SOD2: variants seen among roughly 807,000 people sequenced by gnomAD.
SOD2 encodes superoxide dismutase [Mn], mitochondrial.
In SOD2, 11 loss-of-function variants were observed where a neutral mutation model predicts 27.0. The ratio of observed to expected loss-of-function variants is 0.41; its 90% CI spans 0.26 to 0.67. The LOEUF (loss-of-function observed/expected upper bound fraction) is 0.67. Among genes scored for constraint, SOD2 ranks in the 30% least tolerant of loss-of-function variants. The pLI, the probability that SOD2 is intolerant of heterozygous loss-of-function variation, is 0.34. For missense variants in SOD2, 250 were observed against 274.5 expected (o/e 0.91, Z 0.63); for synonymous variants, 105 against 103.0 (o/e 1.02, Z -0.12).
chr6:159,738,412 C>T (rs1262584320), intron 1 of SOD2, among the ~76,000 whole-genome samples: 2 of 152,082 alleles, frequency 1.3e-5, no homozygotes, highest in Admixed American at 6.5e-5. Flanking sequence ...TTTCATGTAT[C>T]AGTAGTCCTG....
chr6:159,727,019 C>G, intron 1 of SOD2: 2 of 1,240,242 alleles, frequency 1.6e-6, no homozygotes, highest in African/African-American at 1.6e-5. Context: ...CGAGGCAGCC[C>G]CGCAGCCGCA....
rs1253852178 is a variant in SOD2, at chr6:159,762,074, G to T, written c.-1373C>A. The T allele has an allele frequency of 1.4e-5, 23 of 1,612,554 alleles. 1 individual carries two copies. The African/African-American group carries it at 1.7e-4, about 12-fold the overall frequency. On this transcript the variant is annotated 5_prime_UTR_variant, in exon 1 of 8. Coordinates refer to the SOD2 transcript ENST00000546087. ...TGCAGGCAGCGCAGGGCAGACGGCG[G>T]CAGGAGAAGCAAGATGAATGCAGGC...
At chr6:159,698,730 G>A (rs1347195045) in intron 1 of SOD2, among the ~76,000 whole-genome samples, 1 of 151,324 alleles carries the variant, frequency 6.6e-6, no homozygotes, top group Non-Finnish European at 1.5e-5. Context: ...TCACAGAGAA[G>A]ACAATAACAA....
intron 1 of SOD2, among the ~76,000 whole-genome samples, chr6:159,750,926 C>T (rs1779797384): frequency 6.6e-6 from 1 of 152,222 alleles, no homozygotes; most frequent in African/African-American, 2.4e-5. Context: ...CTTCGCTTTA[C>T]TGTTTTTCTG....
upstream of SOD2, among the ~76,000 whole-genome samples, chr6:159,745,413 A>T (rs557990796): frequency 6.6e-6 from 1 of 151,608 alleles, no homozygotes; most frequent in South Asian, 2.1e-4. Context: ...TATTTCAACT[A>T]TAATGGAACC....
At chr6:159,722,945 A>G (rs575722745) in intron 1 of SOD2, among the ~76,000 whole-genome samples, 13 of 152,324 alleles carry the variant, frequency 8.5e-5, no homozygotes, top group African/African-American at 2.9e-4. Context: ...CCTCACTTCT[A>G]GCTTATGCCC....
chr6:159,708,414 G>A lies in SOD2; in HGVS notation c.-115-15551C>T, dbSNP rs142506368. Among the ~76,000 whole-genome samples, 1,136 of 152,184 alleles carry A rather than the reference G, an allele frequency of 7.5e-3. 9 individuals carry two copies. Among genetic ancestry groups the A allele is most frequent in the African/African-American group, 0.021 (872 of 41,546 alleles). The stretch of plus-strand genomic sequence containing the variant: ...TCTCCTTAAGCTGATAAGCAACTTC[G>A]GCAAAGTCTCAGGATACAAAATCAA... On this transcript the variant is annotated intron_variant, in intron 1 of 2. Coordinates refer to the SOD2 transcript ENST00000401980.
At chr6:159,692,541 C>T (rs1777261765) in intron 2 of SOD2, 120 bp downstream of exon 2, 2 of 1,507,852 alleles carry the variant, frequency 1.3e-6, no homozygotes, top group Non-Finnish European at 1.8e-6. Context: ...CTGGAAAACT[C>T]GGAACCGGTA....
chr6:159,741,939 G>A (rs569422791), intron 1 of SOD2: 8 of 600,692 alleles, frequency 1.3e-5, no homozygotes, highest in South Asian at 9.8e-5. Context: ...GGGACAGAGC[G>A]AGACTCTGTC....
At chr6:159,727,678 C>T, upstream of SOD2, 1 of 985,010 alleles carries the variant, frequency 1.0e-6, no homozygotes, top group Non-Finnish European at 1.2e-6. Flanking sequence ...CGACCGGTGG[C>T]GCCGGCGCGG....
chr6:159,685,482 TC>T (rs1381428778), intron 3 of SOD2, among the ~76,000 whole-genome samples: 12 of 152,158 alleles, frequency 7.9e-5, no homozygotes. Flanking sequence ...CCTCAGGTGA[TC>T]CACCCGCCTT....
rs747345391 is a variant in SOD2, at chr6:159,670,401, T to C, written c.*12092A>G. ...GAGCTAAAAGATTCATTTGTTTTTT[T>C]CCTCCAGGCATCCACTCTGAGCCCC... On this transcript the variant is annotated 3_prime_UTR_variant, in exon 5 of 5. Coordinates refer to ENST00000538183, the MANE Select transcript of SOD2 (RefSeq NM_000636.4). 3 of 152,196 alleles carry C rather than the reference T, an allele frequency of 2.0e-5. No individual in the cohort carries two copies. The highest frequency in any genetic ancestry group is 4.4e-5 in the Non-Finnish European group (3 of 68,040). The allele number at this position is 152,196 out of a possible 1,614,324, so 9.4% of individuals were successfully genotyped here.
intron 2 of SOD2, chr6:159,691,125 T>C (rs1301666369): frequency 6.6e-6 from 1 of 152,236 alleles, no homozygotes; most frequent in Non-Finnish European, 1.5e-5. Flanking sequence ...TGGGTTGTAT[T>C]ACATAAGTAA....
rs1019210865 is a variant in SOD2 at position 159,673,600 on chromosome 6, G to C, written c.*8893C>G. On this transcript the variant is annotated 3_prime_UTR_variant, in exon 5 of 5. Transcript: ENST00000538183. ...ATCTCTGGGACACATTTAAAGCAGT[G>C]TGTAGAGGGAAATTTACAGCACTAA... is the stretch of plus-strand genomic sequence containing the variant. 1 of 152,154 alleles carries C rather than the reference G, an allele frequency of 6.6e-6. No individual in the cohort carries two copies. The highest frequency in any genetic ancestry group is 2.4e-5 in the African/African-American group (1 of 41,440). The allele number at this position is 152,154 out of a possible 1,614,324, so 9.4% of individuals were successfully genotyped here. A position where few individuals can be genotyped will look rare whatever the true frequency, so the allele number is the denominator to read the frequency against.
At position 159,712,028 on chromosome 6, in the gene SOD2, A is replaced by G. The variant is rs1316305164; in HGVS notation, c.-116+15101T>C. The stretch of plus-strand genomic sequence containing the variant: ...AACCACCTCCATAACCACCACTCAC[A>G]CTGCTCAGACCTCCATAACCACCTC... On this transcript the variant is annotated intron_variant, in intron 1 of 2. Transcript: ENST00000401980. 9.5e-3 allele frequency among the ~76,000 whole-genome samples: 322 copies of G among 34,012 alleles called. 16 individuals are homozygous for G. Among genetic ancestry groups the G allele is most frequent in the African/African-American group, 0.021 (188 of 9,104 alleles). The allele number at this position is 34,012 out of a possible 152,430, so 22.3% of individuals were successfully genotyped here.
rs945393373 is a variant in SOD2, at chr6:159,681,700, G to A, written c.*793C>T. ...TACCACCCTGAAGGCACCCGATCTCGACTGATTTACAATTTTGCCTTTAAC... is the reference window on the plus strand; with the variant it reads ...TACCACCCTGAAGGCACCCGATCTCAACTGATTTACAATTTTGCCTTTAAC... On this transcript the variant is annotated 3_prime_UTR_variant, in exon 5 of 5. Transcript: ENST00000538183. The A allele has an allele frequency of 7.2e-5, 11 of 152,058 alleles. No individual in the cohort carries two copies. The highest frequency in any genetic ancestry group is 2.2e-4 in the African/African-American group (9 of 41,360). 9.4% of individuals were successfully genotyped at this position (152,058 alleles called of 1,614,324 possible).
In SOD2 at chr6:159,752,687, G is replaced by A. The variant is rs139114100; in HGVS notation, c.-335-4011C>T. Among the ~76,000 whole-genome samples, 465 of 152,248 alleles carry A rather than the reference G, an allele frequency of 3.1e-3. 2 individuals carry two copies. Among genetic ancestry groups the A allele is most frequent in the African/African-American group, 0.01 (431 of 41,546 alleles). On this transcript the variant is annotated intron_variant, in intron 1 of 7. Coordinates refer to the SOD2 transcript ENST00000546087. ...AAAAAAAACCTTAACTGCTGAATGT[G>A]CCTCAATTAATATAATAGATAATAT... is the stretch of plus-strand genomic sequence containing the variant.
chr6:159,705,213 C>T (rs200849674), intron 1 of SOD2, among the ~76,000 whole-genome samples: 2 of 152,218 alleles, frequency 1.3e-5, no homozygotes, highest in South Asian at 2.1e-4. Flanking sequence ...AATCAGAGCA[C>T]CTCTCCATCT....
chr6:159,702,840 A>C (rs1777550199), intron 1 of SOD2, among the ~76,000 whole-genome samples: 1 of 111,106 alleles, frequency 9.0e-6, no homozygotes, highest in African/African-American at 3.5e-5. Flanking sequence ...ACAGAGCAAG[A>C]CCCTATCTCG....
Sources: gnomAD v4.1 joint callset for allele counts (sites outside exome capture counted in the v4.1 genomes callset) on GRCh38, gnomAD v4.1.1 for gene constraint, MANE v1.5 for transcripts, NCBI Gene and HGNC (gene_info 2026-07-23, HGNC 2026-07-21) for gene names.